The following IRAG1 variants were observed in gnomAD, a reference collection of about 807,000 sequenced individuals.
The protein encoded by IRAG1 is inositol 1,4,5-triphosphate receptor associated 1, also known as IP3R-associated cGMP kinase substrate.
IRAG1 carries 62 observed loss-of-function variants against 106.2 expected under a neutral mutation model. The ratio of observed to expected loss-of-function variants is 0.58; its 90% CI spans 0.48 to 0.72. The LOEUF is 0.72. Ranked by LOEUF, IRAG1 falls within the 30% of genes least tolerant of loss-of-function variation. The pLI is 0.00. For synonymous variants in IRAG1, 462 were observed against 443.9 expected (o/e 1.04, Z -0.51); for missense variants, 1,064 against 1,140.7 (o/e 0.93, Z 0.97).
chr11:10,628,201 G>A lies in IRAG1; in HGVS notation c.653-176C>T, dbSNP rs890626748. Reference sequence around the variant, plus strand: ...TGGGCCCTCACAGAATGTTCACAGAGACCACAGGAGGAAACTGAGGCACAG... The same window carrying A: ...TGGGCCCTCACAGAATGTTCACAGAAACCACAGGAGGAAACTGAGGCACAG... On this transcript the variant is annotated intron_variant, in intron 6 of 20. Transcript: ENST00000423302. This position sits in a 1 kb window ranked among gnomAD's most constrained non-coding sequence, Gnocchi z 4.1. 2 of 726,636 alleles carry A rather than the reference G, an allele frequency of 2.8e-6. No homozygotes were observed. The highest frequency in any genetic ancestry group is 4.0e-5 in the Admixed American group (2 of 49,598). The allele number at this position is 726,636 out of a possible 1,614,324, so 45.0% of individuals were successfully genotyped here.
intron 10 of IRAG1, among the ~76,000 whole-genome samples, chr11:10,617,931 C>A (rs1339803409): frequency 1.4e-5 from 2 of 146,984 alleles, no homozygotes; most frequent in African/African-American, 5.5e-5. Flanking sequence ...CCAGCTCTCA[C>A]AATCTGTCCA....
intron 1 of IRAG1, among the ~76,000 whole-genome samples, chr11:10,685,186 G>A (rs1353944723): frequency 1.3e-5 from 2 of 152,170 alleles, no homozygotes; most frequent in Non-Finnish European, 2.9e-5. Flanking sequence ...GCTTACACCT[G>A]TAATCCCAGC....
At chr11:10,648,207 T>C (rs1858137599) in intron 2 of IRAG1, among the ~76,000 whole-genome samples, 1 of 152,042 alleles carries the variant, frequency 6.6e-6, no homozygotes, top group Non-Finnish European at 1.5e-5. Context: ...CTACTAAAAA[T>C]ACAAAAATTA....
At position 10,659,229 on chromosome 11, in the gene IRAG1, T is replaced by C. The variant is rs1211513251; in HGVS notation, c.68-7047A>G. ...GAGCCAGCCACAGTGTCTGGCCAAGTAGGTATTTGTGCTGTGCTGAACAAG... is the reference window on the plus strand; with the variant it reads ...GAGCCAGCCACAGTGTCTGGCCAAGCAGGTATTTGTGCTGTGCTGAACAAG... On this transcript the variant is annotated intron_variant, in intron 1 of 20. Transcript: ENST00000423302. The surrounding 1 kb of genome is among the most constrained non-coding windows in gnomAD (Gnocchi z 4.1). Among the ~76,000 whole-genome samples, 3 of 152,010 alleles carry C rather than the reference T, an allele frequency of 2.0e-5. No individual in the cohort carries two copies. Among genetic ancestry groups the C allele is most frequent in the Non-Finnish European group, 4.4e-5 (3 of 67,988 alleles).
At chr11:10,622,249 A>G (rs1293709145) in intron 10 of IRAG1, among the ~76,000 whole-genome samples, 2 of 152,178 alleles carry the variant, frequency 1.3e-5, no homozygotes, top group South Asian at 4.1e-4. Flanking sequence ...AGGAACAGGT[A>G]CCATATGACT....
intron 10 of IRAG1, among the ~76,000 whole-genome samples, chr11:10,614,932 T>A (rs1855274480): frequency 6.6e-6 from 1 of 152,058 alleles, no homozygotes; most frequent in African/African-American, 2.4e-5. Flanking sequence ...AAGCCAAAAT[T>A]GACAAATGGG....
At chr11:10,666,864 T>C (rs1437927842) in intron 1 of IRAG1, among the ~76,000 whole-genome samples, 1 of 152,076 alleles carries the variant, frequency 6.6e-6, no homozygotes, top group Non-Finnish European at 1.5e-5. Context: ...ACAAGGAGCA[T>C]AGGCACTGGG....
At chr11:10,640,570 A>G (rs1177081398) in intron 2 of IRAG1, among the ~76,000 whole-genome samples, 1 of 152,182 alleles carries the variant, frequency 6.6e-6, no homozygotes, top group Non-Finnish European at 1.5e-5. Context: ...TCACTCTATC[A>G]GGGACTGGGG....
chr11:10,624,150 C>G (rs1856050313), intron 9 of IRAG1, among the ~76,000 whole-genome samples: 1 of 152,152 alleles, frequency 6.6e-6, no homozygotes, highest in Non-Finnish European at 1.5e-5. Flanking sequence ...AAATGAACTG[C>G]TTGGCCTCAC....
intron 18 of IRAG1, among the ~76,000 whole-genome samples, chr11:10,582,410 T>C (rs1251117371): frequency 6.6e-6 from 1 of 151,362 alleles, no homozygotes; most frequent in Non-Finnish European, 1.5e-5. Flanking sequence ...CACATTGTAA[T>C]GTGCTGGGGG....
chr11:10,660,669 A>C (rs766553810), intron 1 of IRAG1, among the ~76,000 whole-genome samples: 2 of 152,158 alleles, frequency 1.3e-5, no homozygotes, highest in Non-Finnish European at 2.9e-5. Context: ...CTTCATTGCC[A>C]ATTGTCTTTG....
In IRAG1 at chr11:10,594,177, G is replaced by A. The variant is rs376079865; in HGVS notation, c.2036C>T (p.Thr679Met). The A allele has an allele frequency of 1.2e-6, 2 of 1,610,272 alleles. No homozygotes were observed. Among genetic ancestry groups the A allele is most frequent in the Non-Finnish European group, 8.5e-7 (1 of 1,178,474 alleles). The stretch of plus-strand genomic sequence containing the variant: ...CAGCGTGAGGGACATGGACCGTGCC[G>A]TGCGAGGGACCCCATCTTCTGCAGC... ...CGPSEDGVPRTARSMSLTLGK... is the reference protein window; with the variant it reads ...CGPSEDGVPRMARSMSLTLGK... The change falls in exon 16 of 21, where the codon ACG (threonine) becomes ATG (methionine). Residue 679 changes from threonine (T) to methionine (M), a missense_variant. By Grantham distance (81) the Thr-to-Met change is moderately conservative (BLOSUM62 -1). Transcript: ENST00000423302.
chr11:10,689,939 CAAGAAAGTCTAGCA>C (rs1861932755), intron 1 of IRAG1, among the ~76,000 whole-genome samples: 2 of 151,748 alleles, frequency 1.3e-5, no homozygotes, highest in South Asian at 4.2e-4. Context: ...CTATATTTTC[CAAGAAAGTCTAGCA>C]AAGAACATGC....
chr11:10,574,913 T>TTTG lies in IRAG1; in HGVS notation c.*1416_*1418dup, dbSNP rs1446201274. The TTTG allele has an allele frequency of 6.6e-6, 1 of 152,210 alleles. No individual in the cohort carries two copies. Among genetic ancestry groups the TTTG allele is most frequent in the Admixed American group, 6.5e-5 (1 of 15,280 alleles). The allele number at this position is 152,210 out of a possible 1,614,324, so 9.4% of individuals were successfully genotyped here. On this transcript the variant is annotated 3_prime_UTR_variant, in exon 21 of 21. Transcript: ENST00000423302. ...TTCTTTTTGTGCTTCAGTTTCCTTA[T>TTTG]TTGAAAATGGGAAGGGTAATATCCA... is the stretch of plus-strand genomic sequence containing the variant.
Position 10,581,995 on chromosome 11 carries a change from A to G in IRAG1, c.2241-9T>C. On this transcript the variant is annotated splice_polypyrimidine_tract_variant and intron_variant, in intron 18 of 20. Transcript: ENST00000423302. ...CCCCATTTGTCTTTCCACTAGTGAG[A>G]AGAGGGAAGTACAGGGCATCATTTC... is the stretch of plus-strand genomic sequence containing the variant. 1 of 1,611,810 alleles carries G rather than the reference A, an allele frequency of 6.2e-7. No individual in the cohort carries two copies. The highest frequency in any genetic ancestry group is 8.5e-7 in the Non-Finnish European group (1 of 1,178,974).
Position 10,614,357 on chromosome 11 carries a change from CA to C in IRAG1, c.1448-4507del, listed in dbSNP as rs571960945. Among the ~76,000 whole-genome samples the C allele has an allele frequency of 1.8e-4, 27 of 152,116 alleles. No homozygotes were observed. In the East Asian group the frequency reaches 3.5e-3, roughly 20 times the overall value. On this transcript the variant is annotated intron_variant, in intron 10 of 20. Transcript: ENST00000423302. ...TAGATTAAATTTAAAACCTATAATG[CA>C]AAAAAACTACCTCATAATTTATAGA...
intron 19 of IRAG1, among the ~76,000 whole-genome samples, chr11:10,581,355 G>A (rs1048929380): frequency 6.6e-6 from 1 of 152,146 alleles, no homozygotes; most frequent in African/African-American, 2.4e-5. Flanking sequence ...CTTGGTACCT[G>A]CTCAGGACTT....
At chr11:10,582,417 G>C (rs1851487802) in intron 18 of IRAG1, among the ~76,000 whole-genome samples, 1 of 151,256 alleles carries the variant, frequency 6.6e-6, no homozygotes, top group Non-Finnish European at 1.5e-5. Flanking sequence ...TAATGTGCTG[G>C]GGGCACATTA....
At chr11:10,636,415 G>A (rs12279529) in intron 2 of IRAG1, among the ~76,000 whole-genome samples, 5 of 152,250 alleles carry the variant, frequency 3.3e-5, no homozygotes, top group Admixed American at 6.5e-5. Context: ...AGAATCAAGC[G>A]ATCTTCCCAC....
Sources: allele counts gnomAD v4.1 joint callset (sites outside exome capture counted in the v4.1 genomes callset), GRCh38; gene constraint gnomAD v4.1.1; non-coding constraint Gnocchi (gnomAD v3.1); transcripts MANE v1.5; gene names NCBI Gene and HGNC (gene_info 2026-07-23, HGNC 2026-07-21).